A2ML1: variants seen among roughly 807,000 people sequenced by gnomAD.
A2ML1 encodes the protein alpha-2-macroglobulin-like protein 1.
A neutral mutation model predicts 181.9 loss-of-function variants in A2ML1; 161 were observed. That is an observed-to-expected ratio of 0.89 (90% CI 0.78 to 1.01). A2ML1 has a LOEUF of 1.01. A2ML1 is among the 50% of genes least tolerant of loss of function. The probability of loss-of-function intolerance (pLI) is 0.00; values close to 1 mark genes in which losing one functional copy is unlikely to be tolerated. For missense variants in A2ML1, 1,670 were observed against 1,768.1 expected, an observed-to-expected ratio of 0.94 and a Z score of 1.00; for synonymous variants, 663 against 666.8, an observed-to-expected ratio of 0.99 and a Z score of 0.09.
chr12:8,872,452 C>A (rs1312856531), intron 33 of A2ML1, among the ~76,000 whole-genome samples: 4 of 151,762 alleles, frequency 2.6e-5, no homozygotes, highest in Non-Finnish European at 5.9e-5. Context: ...ATAATAAACT[C>A]ACTACATCTT....
At chr12:8,824,730 C>G (rs1482284017) in intron 3 of A2ML1, among the ~76,000 whole-genome samples, 1 of 145,546 alleles carries the variant, frequency 6.9e-6, no homozygotes, top group East Asian at 2.3e-4. Context: ...AATTTTTTTC[C>G]TTTTACCTTA....
At chr12:8,839,678 G>A (rs1009223838) in intron 10 of A2ML1, among the ~76,000 whole-genome samples, 1 of 152,146 alleles carries the variant, frequency 6.6e-6, no homozygotes, top group African/African-American at 2.4e-5. Context: ...TCTAGGCAAG[G>A]TTAATATGAA....
intron 28 of A2ML1, among the ~76,000 whole-genome samples, chr12:8,862,889 G>C (rs990213242): frequency 6.6e-6 from 1 of 152,002 alleles, no homozygotes; most frequent in Non-Finnish European, 1.5e-5. Flanking sequence ...TGTTTAATTA[G>C]TCTTCTAACG....
chr12:8,873,007 T>C (rs965649574), intron 33 of A2ML1, among the ~76,000 whole-genome samples: 2 of 152,106 alleles, frequency 1.3e-5, no homozygotes, highest in East Asian at 1.9e-4. Context: ...TTTAAATCAC[T>C]TTCCCCAGAA....
chr12:8,837,303 A>T, intron 7 of A2ML1, 137 bp from the exon 8 acceptor site: 6 of 1,061,462 alleles, frequency 5.7e-6, no homozygotes, highest in African/African-American at 1.6e-5. Flanking sequence ...TACAGGCGTG[A>T]GCCACTGCAC....
chr12:8,848,515 T>A (rs1181266996), intron 15 of A2ML1, among the ~76,000 whole-genome samples: 4 of 150,604 alleles, frequency 2.7e-5, no homozygotes, highest in Non-Finnish European at 3.0e-5. Context: ...AAATAGGGGA[T>A]AGGATTATGA....
chr12:8,867,602 G>C (rs1265194487), intron 29 of A2ML1, among the ~76,000 whole-genome samples: 7 of 151,824 alleles, frequency 4.6e-5, no homozygotes, highest in Non-Finnish European at 7.4e-5. Context: ...AGCTGAGATC[G>C]TGCCATTGCA....
chr12:8,869,789 G>A (rs1162740974), intron 33 of A2ML1, among the ~76,000 whole-genome samples: 1 of 152,182 alleles, frequency 6.6e-6, no homozygotes, highest in East Asian at 1.9e-4. Flanking sequence ...AACTGGACAA[G>A]CTGTTGAAAG....
rs764974282 is a variant in A2ML1 at position 8,863,861 on chromosome 12, G to A, written c.3570G>A (p.Ala1190=). 10 of 1,614,226 alleles carry A rather than the reference G, an allele frequency of 6.2e-6. No homozygotes were observed. Among genetic ancestry groups the A allele is most frequent in the Admixed American group, 3.3e-5 (2 of 60,032 alleles). The change falls in exon 29 of 36, where the codon GCG becomes GCA. Residue 1190 remains alanine, a synonymous_variant. Transcript: ENST00000299698. The part of the protein sequence containing the change: ...SSNASPWSEP[A]AVDVELTAYA... The stretch of plus-strand genomic sequence containing the variant: ...ACGCCAGCCCTTGGTCTGAGCCTGC[G>A]GCTGTAGATGTGGAACTCACAGCAT...
chr12:8,836,691 C>T (rs925752373), intron 7 of A2ML1, among the ~76,000 whole-genome samples: 1 of 152,030 alleles, frequency 6.6e-6, no homozygotes, highest in Non-Finnish European at 1.5e-5. Flanking sequence ...GCCGTGTTGG[C>T]CAGGCTGGTC....
At chr12:8,881,665 C>A (rs185142904), downstream of A2ML1, among the ~76,000 whole-genome samples, 2 of 152,258 alleles carry the variant, frequency 1.3e-5, no homozygotes, top group South Asian at 4.1e-4. Context: ...ATGGTGCCAT[C>A]CATGCAGGTA....
At chr12:8,848,068 T>C (rs7302253) in intron 15 of A2ML1, among the ~76,000 whole-genome samples, 29,812 of 143,498 alleles carry the variant, frequency 0.21, 3,835 homozygotes, top group African/African-American at 0.35. Context: ...CACTTGAACC[T>C]GGGAGGCGGA....
At chr12:8,862,109 C>T (rs1352475494) in intron 28 of A2ML1, among the ~76,000 whole-genome samples, 4 of 152,058 alleles carry the variant, frequency 2.6e-5, no homozygotes, top group Admixed American at 2.0e-4. Context: ...AGAAGCTAGT[C>T]GGAAAATATA....
At chr12:8,836,468 G>A in intron 7 of A2ML1, 129 bp downstream of exon 7, 2 of 645,422 alleles carry the variant, frequency 3.1e-6, no homozygotes, top group Non-Finnish European at 5.2e-6. Context: ...CAGAGTCATG[G>A]CTTATCCAAG....
In A2ML1 at chr12:8,836,481, C is replaced by CTT. The variant is rs751110394; in HGVS notation, c.728+160_728+161dup. On this transcript the variant is annotated intron_variant, in intron 7 of 35. Transcript: ENST00000299698. ...TTCAGAGTCATGGCTTATCCAAGAC[C>CTT]TTTTTTTTTTTTTTTTTTTGAGACA... The CTT allele has an allele frequency of 3.2e-3, 1,261 of 389,728 alleles. 4 individuals are homozygous for CTT. Among genetic ancestry groups the CTT allele is most frequent in the South Asian group, 0.012 (426 of 34,356 alleles). 24.1% of individuals were successfully genotyped at this position (389,728 alleles called of 1,614,324 possible).
At chr12:8,883,485 CT>C (rs373396422) in intron 7 of A2ML1, among the ~76,000 whole-genome samples, 1 of 151,264 alleles carries the variant, frequency 6.6e-6, no homozygotes, top group Admixed American at 6.6e-5. Flanking sequence ...CTCTCTCTCT[CT>C]TTTTTTTTGA....
chr12:8,879,638 G>T (rs1214408266), downstream of A2ML1, among the ~76,000 whole-genome samples: 1 of 152,188 alleles, frequency 6.6e-6, no homozygotes, highest in Non-Finnish European at 1.5e-5. Context: ...GACTTAAGAG[G>T]TTATGCGGGC....
intron 33 of A2ML1, 146 bp from the exon 34 acceptor site, chr12:8,874,279 G>T (rs1170045770): frequency 1.5e-5 from 8 of 545,128 alleles, no homozygotes; most frequent in Admixed American, 6.1e-5. Flanking sequence ...GCCTCCCAAA[G>T]TGCTGGGATT....
At chr12:8,857,766 T>G in intron 25 of A2ML1, 178 bp downstream of exon 25, 1 of 1,097,958 alleles carries the variant, frequency 9.1e-7, no homozygotes, top group Non-Finnish European at 1.3e-6. Context: ...TTCCTGAGCT[T>G]GTGCCTCCCC....
Sources: allele counts gnomAD v4.1 joint callset (sites outside exome capture counted in the v4.1 genomes callset), GRCh38; gene constraint gnomAD v4.1.1; transcripts MANE v1.5; gene names NCBI Gene and HGNC (gene_info 2026-07-23, HGNC 2026-07-21).